The following RALGPS2 variants were observed in gnomAD, a reference collection of about 807,000 sequenced individuals.
RALGPS2 encodes ras-specific guanine nucleotide-releasing factor RalGPS2.
In RALGPS2, 43 loss-of-function variants were observed where a neutral mutation model predicts 86.8. The ratio of observed to expected loss-of-function variants is 0.50; its 90% CI spans 0.39 to 0.64. RALGPS2 has a LOEUF of 0.64. RALGPS2 is among the 30% of genes least tolerant of loss of function. The pLI, the probability that RALGPS2 is intolerant of heterozygous loss-of-function variation, is 0.00. For missense variants in RALGPS2, 536 were observed against 694.6 expected (o/e 0.77, Z 2.57); for synonymous variants, 243 against 231.3 (o/e 1.05, Z -0.46).
Position 178,851,199 on chromosome 1 carries a change from A to C in RALGPS2, c.607+17649A>C, listed in dbSNP as rs1448448429. The C allele has an allele frequency of 6.2e-7, 1 of 1,614,062 alleles. No individual in the cohort carries two copies. Among genetic ancestry groups the C allele is most frequent in the Admixed American group, 1.7e-5 (1 of 60,010 alleles). On this transcript the variant is annotated intron_variant, in intron 8 of 19. Transcript: ENST00000367635. ...TGACCCGCCTCTGTATTCGGCCCAG[A>C]AAATTCCATCTTGGTGCTTGCTTCT...
At chr1:178,791,866 A>G (rs911089599) in intron 4 of RALGPS2, among the ~76,000 whole-genome samples, 1 of 152,224 alleles carries the variant, frequency 6.6e-6, no homozygotes, top group African/African-American at 2.4e-5. Context: ...CTGTTGTACT[A>G]TATATCTCAG....
chr1:178,811,026 G>T (rs1311145891), intron 5 of RALGPS2, among the ~76,000 whole-genome samples: 1 of 151,780 alleles, frequency 6.6e-6, no homozygotes, highest in East Asian at 1.9e-4. Flanking sequence ...CAAAATTTTT[G>T]AAATGCAGTT....
intron 2 of RALGPS2, among the ~76,000 whole-genome samples, chr1:178,782,433 C>G (rs974338382): frequency 6.6e-6 from 1 of 152,152 alleles, no homozygotes; most frequent in Non-Finnish European, 1.5e-5. Context: ...CCAGAGCATT[C>G]TGTTCTCCAC....
intron 18 of RALGPS2, among the ~76,000 whole-genome samples, chr1:178,902,923 T>C (rs1660236988): frequency 6.6e-6 from 1 of 152,154 alleles, no homozygotes. Flanking sequence ...ATGAATAAAA[T>C]AACTGGCTAT....
intron 19 of RALGPS2, 40 bp from the exon 20 acceptor site, chr1:178,916,290 A>G (rs1660812165): frequency 4.6e-6 from 7 of 1,520,308 alleles, no homozygotes; most frequent in Middle Eastern, 1.7e-4. Context: ...CCTTTGAAAA[A>G]CAACTTTTAA....
chr1:178,751,864 T>C (rs1188748162), intron 1 of RALGPS2, among the ~76,000 whole-genome samples: 4 of 152,244 alleles, frequency 2.6e-5, no homozygotes, highest in African/African-American at 9.6e-5. Context: ...TATGTTGTTA[T>C]AGGTGTTGTT....
chr1:178,781,716 T>A (rs1653403902), intron 2 of RALGPS2, among the ~76,000 whole-genome samples: 1 of 152,264 alleles, frequency 6.6e-6, no homozygotes. Flanking sequence ...TTTATGTTTA[T>A]GATTCATGTG....
At chr1:178,851,147 C>T (rs766895281) in intron 8 of RALGPS2, 1 of 1,613,104 alleles carries the variant, frequency 6.2e-7, no homozygotes, top group Non-Finnish European at 8.5e-7. Flanking sequence ...TAGGCTTGAT[C>T]ATCATCTGAA....
chr1:178,821,044 G>A (rs1261407306), intron 6 of RALGPS2, among the ~76,000 whole-genome samples: 1 of 152,156 alleles, frequency 6.6e-6, no homozygotes, highest in African/African-American at 2.4e-5. Context: ...TGTTAGGTAG[G>A]AGTTTTATGC....
chr1:178,909,433 A>G (rs900004033), intron 19 of RALGPS2, among the ~76,000 whole-genome samples: 23 of 151,884 alleles, frequency 1.5e-4, no homozygotes, highest in Non-Finnish European at 2.6e-4. Flanking sequence ...TGTTGTTCCC[A>G]TATGAATTTT....
chr1:178,901,629 A>C (rs1358000425), intron 17 of RALGPS2, among the ~76,000 whole-genome samples: 1 of 151,710 alleles, frequency 6.6e-6, no homozygotes, highest in Non-Finnish European at 1.5e-5. Context: ...ATCTGGTTGC[A>C]GGGAGCTGAG....
intron 19 of RALGPS2, among the ~76,000 whole-genome samples, chr1:178,913,110 C>T (rs538430524): frequency 1.3e-5 from 2 of 152,058 alleles, no homozygotes; most frequent in African/African-American, 2.4e-5. Context: ...GGTGAAACCC[C>T]GTCTCTGCTA....
chr1:178,875,269 T>A (rs1658949030), intron 8 of RALGPS2, among the ~76,000 whole-genome samples: 1 of 152,166 alleles, frequency 6.6e-6, no homozygotes, highest in African/African-American at 2.4e-5. Flanking sequence ...TTTTCACAAT[T>A]TTCCTGACAC....
At chr1:178,730,537 A>G (rs142525040) in intron 1 of RALGPS2, among the ~76,000 whole-genome samples, 74 of 150,538 alleles carry the variant, frequency 4.9e-4, no homozygotes, top group African/African-American at 1.6e-3. Flanking sequence ...AACTGTCCCA[A>G]TATCATCAAA....
At chr1:178,892,416 T>G in intron 15 of RALGPS2, 109 bp downstream of exon 15, 1 of 850,926 alleles carries the variant, frequency 1.2e-6, no homozygotes, top group Non-Finnish European at 1.8e-6. Context: ...CTAATTGATT[T>G]AAAAACTAAA....
At chr1:178,747,107 A>G (rs2102034626) in intron 1 of RALGPS2, 2 of 901,868 alleles carry the variant, frequency 2.2e-6, no homozygotes, top group East Asian at 4.8e-5. Context: ...GTTCAGTAAC[A>G]CTTGTTTAAT....
intron 4 of RALGPS2, among the ~76,000 whole-genome samples, chr1:178,793,036 G>A (rs951094546): frequency 6.6e-6 from 1 of 152,166 alleles, no homozygotes; most frequent in Admixed American, 6.5e-5. Context: ...ACACACAGCA[G>A]TCTGAATGGG....
intron 19 of RALGPS2, among the ~76,000 whole-genome samples, chr1:178,912,754 C>T (rs1392714162): frequency 3.3e-5 from 5 of 152,086 alleles, no homozygotes; most frequent in African/African-American, 4.8e-5. Flanking sequence ...TTTTGTGGAT[C>T]GTATCCTCAA....
At chr1:178,753,625 G>C (rs749613071) in intron 1 of RALGPS2, 3 of 152,086 alleles carry the variant, frequency 2.0e-5, no homozygotes, top group African/African-American at 4.8e-5. Flanking sequence ...ATGTTGTAGC[G>C]TAATGTTCAC....
Sources: allele counts gnomAD v4.1 joint callset (sites outside exome capture counted in the v4.1 genomes callset), GRCh38; gene constraint gnomAD v4.1.1; transcripts MANE v1.5; gene names NCBI Gene and HGNC (gene_info 2026-07-23, HGNC 2026-07-21).